Variants in UBE2D2 observed in about 807,000 individuals in gnomAD.
UBE2D2 encodes ubiquitin conjugating enzyme E2 D2.
In UBE2D2, 2 loss-of-function variants were observed where a neutral mutation model predicts 24.2. That is an observed-to-expected ratio of 0.08 (90% CI 0.03 to 0.26). The LOEUF is 0.26. UBE2D2 is among the 10% of genes least tolerant of loss of function. The probability of loss-of-function intolerance (pLI) is 1.00; values close to 1 mark genes in which losing one functional copy is unlikely to be tolerated. For missense variants in UBE2D2, 44 were observed against 177.6 expected (o/e 0.25, Z 4.28); for synonymous variants, 58 against 56.5 (o/e 1.03, Z -0.12).
In UBE2D2 at chr5:139,590,537, C is replaced by A. The variant is rs79287505; in HGVS notation, c.25-9835C>A. Among the ~76,000 whole-genome samples the A allele has an allele frequency of 7.8e-3, 1,175 of 151,452 alleles. 8 individuals carry two copies. The highest frequency in any genetic ancestry group is 0.041 in the Middle Eastern group (12 of 290). On this transcript the variant is annotated intron_variant, in intron 1 of 6. Coordinates refer to ENST00000398733, the MANE Select transcript of UBE2D2 (RefSeq NM_003339.3). ...CAATATTTTGAGGGAAAGCAAAGTA[C>A]AGAAGAGTACATGCCATGTAACGCT...
At chr5:139,595,544 AT>A (rs1337048017) in intron 1 of UBE2D2, among the ~76,000 whole-genome samples, 4 of 151,858 alleles carry the variant, frequency 2.6e-5, no homozygotes, top group African/African-American at 9.7e-5. Flanking sequence ...CGCCTGGCTA[AT>A]TTTTGTACTT....
In UBE2D2 at chr5:139,561,959, C is replaced by A. The variant is rs997424277; in HGVS notation, c.24+144C>A. 5.9e-6 allele frequency: 7 copies of A among 1,177,788 alleles called. No homozygotes were observed. In the Admixed American group the frequency reaches 1.6e-4, roughly 27 times the overall value. The allele number at this position is 1,177,788 out of a possible 1,614,324, so 73.0% of individuals were successfully genotyped here. A position where few individuals can be genotyped will look rare whatever the true frequency, so the allele number is the denominator to read the frequency against. ...CTCGGGGCGGCCTCCATACCCCACT[C>A]CCAGTGATGGCGCCCGTGGAGGCCC... On this transcript the variant is annotated intron_variant, in intron 1 of 6. Coordinates refer to ENST00000398733, the MANE Select transcript of UBE2D2 (RefSeq NM_003339.3).
In UBE2D2 at chr5:139,627,591, A is replaced by G. The variant is rs1754659347; in HGVS notation, c.*790A>G. 1 of 152,688 alleles carries G rather than the reference A, an allele frequency of 6.5e-6. No homozygotes were observed. The highest frequency in any genetic ancestry group is 6.5e-5 in the Admixed American group (1 of 15,288). The allele number at this position is 152,688 out of a possible 1,614,324, so 9.5% of individuals were successfully genotyped here. On this transcript the variant is annotated 3_prime_UTR_variant, in exon 7 of 7. Transcript: ENST00000398733. ...AAGGGTGAAAATTCATTTGATGGAA[A>G]TACTTGTGTATATTTAAAGACCCAA...
chr5:139,587,463 G>A (rs1446918979), intron 1 of UBE2D2, among the ~76,000 whole-genome samples: 2 of 152,016 alleles, frequency 1.3e-5, no homozygotes, highest in Non-Finnish European at 2.9e-5. Flanking sequence ...GGCAGATCAC[G>A]AGGTCAGGAG....
chr5:139,570,341 C>T (rs1292586632), intron 1 of UBE2D2, among the ~76,000 whole-genome samples: 3 of 152,084 alleles, frequency 2.0e-5, no homozygotes, highest in East Asian at 1.9e-4. Flanking sequence ...ACCACCACCC[C>T]GCCTTTTTTT....
rs373909442 is a variant in UBE2D2, at chr5:139,576,231, T to C, written c.24+14416T>C. Among the ~76,000 whole-genome samples, 7 of 152,174 alleles carry C rather than the reference T, an allele frequency of 4.6e-5. No homozygotes were observed. In the East Asian group the frequency reaches 5.8e-4, roughly 13 times the overall value. ...GGCTTAAAGTAACAGAACTATATTC[T>C]CTCACAGTTCTGGAGGCCAGCAGTC... On this transcript the variant is annotated intron_variant, in intron 1 of 6. Transcript: ENST00000398733.
intron 5 of UBE2D2, among the ~76,000 whole-genome samples, chr5:139,618,516 C>T (rs979913168): frequency 1.3e-5 from 2 of 152,154 alleles, no homozygotes; most frequent in Non-Finnish European, 2.9e-5. Flanking sequence ...CCATTGGTTG[C>T]ACTTCCTTCA....
chr5:139,532,415 G>C (rs1020393195), intron 1 of UBE2D2, among the ~76,000 whole-genome samples: 2 of 151,148 alleles, frequency 1.3e-5, no homozygotes, highest in African/African-American at 4.9e-5. Flanking sequence ...GCAGTGGCAC[G>C]ATCTCGGCTC....
intron 1 of UBE2D2, among the ~76,000 whole-genome samples, chr5:139,585,959 A>G (rs988423430): frequency 1.4e-4 from 21 of 150,632 alleles, no homozygotes; most frequent in South Asian, 2.1e-4. Flanking sequence ...AAAAAAAAAA[A>G]AAGAAGAAAG....
intron 5 of UBE2D2, among the ~76,000 whole-genome samples, chr5:139,620,909 G>A (rs1204771664): frequency 6.6e-6 from 1 of 152,212 alleles, no homozygotes; most frequent in Non-Finnish European, 1.5e-5. Context: ...TGTAATCAGT[G>A]ACTTTATGCC....
Position 139,625,642 on chromosome 5 carries a change from G to A in UBE2D2, c.399-1114G>A, listed in dbSNP as rs113404067. Reference sequence around the variant, plus strand: ...TTTTTTTGAGACAGAGTCTTGCTCCGTTGCCCAGGTGGAATGCAGTGGCAC... The same window carrying A: ...TTTTTTTGAGACAGAGTCTTGCTCCATTGCCCAGGTGGAATGCAGTGGCAC... On this transcript the variant is annotated intron_variant, in intron 6 of 6. Transcript: ENST00000398733. 1.3e-4 allele frequency among the ~76,000 whole-genome samples: 20 copies of A among 149,594 alleles called. 2 individuals are homozygous for A. Among genetic ancestry groups the A allele is most frequent in the African/African-American group, 4.4e-4 (18 of 40,500 alleles).
At chr5:139,591,823 G>T (rs1753851181) in intron 1 of UBE2D2, among the ~76,000 whole-genome samples, 1 of 152,158 alleles carries the variant, frequency 6.6e-6, no homozygotes, top group South Asian at 2.1e-4. Context: ...AATTGTTTCT[G>T]TTGCAACCCT....
intron 1 of UBE2D2, among the ~76,000 whole-genome samples, chr5:139,567,513 C>A (rs1243385613): frequency 6.6e-6 from 1 of 150,672 alleles, no homozygotes; most frequent in African/African-American, 2.5e-5. Context: ...GCCACTGCAC[C>A]CAGCCAATTT....
chr5:139,546,806 TCTTCTTTCTTTCTTCCTTC>T (rs1272783975), intron 1 of UBE2D2, among the ~76,000 whole-genome samples: 2 of 146,398 alleles, frequency 1.4e-5, no homozygotes, highest in African/African-American at 2.5e-5. Context: ...TTTCTTTCTT[TCTTCTTTCTTTCTTCCTTC>T]CTTCCTTCCT....
intron 2 of UBE2D2, among the ~76,000 whole-genome samples, chr5:139,602,943 T>C (rs1203136368): frequency 6.6e-6 from 1 of 152,198 alleles, no homozygotes; most frequent in Non-Finnish European, 1.5e-5. Context: ...TAGTAAGTGC[T>C]GTTACACACG....
chr5:139,613,312 C>T (rs1754359934), intron 2 of UBE2D2, among the ~76,000 whole-genome samples: 1 of 152,120 alleles, frequency 6.6e-6, no homozygotes, highest in African/African-American at 2.4e-5. Flanking sequence ...CAAGAGTTAC[C>T]TGGTTTGGGT....
At chr5:139,585,958 AAAAG>A (rs1285800442) in intron 1 of UBE2D2, among the ~76,000 whole-genome samples, 7 of 150,720 alleles carry the variant, frequency 4.6e-5, no homozygotes, top group East Asian at 3.9e-4. Flanking sequence ...AAAAAAAAAA[AAAAG>A]AAGAAAGAAA....
intron 1 of UBE2D2, among the ~76,000 whole-genome samples, chr5:139,564,848 T>C (rs769052): frequency 0.097 from 14,707 of 152,274 alleles, 956 homozygotes; most frequent in African/African-American, 0.17. Flanking sequence ...CTGAGACAGC[T>C]AGTGATAAGA....
chr5:139,602,402 C>G (rs1754098221), intron 2 of UBE2D2, among the ~76,000 whole-genome samples: 1 of 152,160 alleles, frequency 6.6e-6, no homozygotes, highest in Non-Finnish European at 1.5e-5. Context: ...CTGGGCCCAG[C>G]CCAGTGGCTC....
Sources: allele counts gnomAD v4.1 joint callset (sites outside exome capture counted in the v4.1 genomes callset), GRCh38; gene constraint gnomAD v4.1.1; transcripts MANE v1.5; gene names NCBI Gene and HGNC (gene_info 2026-07-23, HGNC 2026-07-21).